LOC122539214: variants seen among roughly 807,000 people sequenced by gnomAD.
At chr19:52,655,789 G>A in the LOC122539214 span, 2 of 597,922 alleles carry the variant, frequency 3.3e-6, no homozygotes, top group Admixed American at 2.7e-5. Flanking sequence ...CCAAGACGGT[G>A]TTCTGACAAA....
At chr19:52,673,188 G>A in the LOC122539214 span, among the ~76,000 whole-genome samples, 3 of 152,044 alleles carry the variant, frequency 2.0e-5, no homozygotes, top group East Asian at 1.9e-4. Flanking sequence ...CAGACTGTGC[G>A]AAAGAGCTGG....
the LOC122539214 span, among the ~76,000 whole-genome samples, chr19:52,677,459 A>G: frequency 1.7e-4 from 26 of 151,944 alleles, no homozygotes; most frequent in African/African-American, 6.0e-4. Flanking sequence ...TCACACCAGC[A>G]TGGGTGACAG....
At chr19:52,653,955 G>T in the LOC122539214 span, 1 of 1,248,644 alleles carries the variant, frequency 8.0e-7, no homozygotes, top group Non-Finnish European at 1.2e-6. Flanking sequence ...ATGAAGAATG[G>T]AGAAAGTTCT....
At chr19:52,687,054 G>C in the LOC122539214 span, among the ~76,000 whole-genome samples, 1 of 151,456 alleles carries the variant, frequency 6.6e-6, no homozygotes, top group Non-Finnish European at 1.5e-5. Flanking sequence ...GGTGGCGCAT[G>C]CCTGTAATCC....
At chr19:52,653,511 A>G in the LOC122539214 span, among the ~76,000 whole-genome samples, 2 of 152,186 alleles carry the variant, frequency 1.3e-5, no homozygotes, top group East Asian at 1.9e-4. Flanking sequence ...GAATTCGCCT[A>G]TGTGTTTCAA....
At chr19:52,677,390 G>A in the LOC122539214 span, among the ~76,000 whole-genome samples, 1 of 151,840 alleles carries the variant, frequency 6.6e-6, no homozygotes, top group African/African-American at 2.4e-5. Context: ...GGAGGCTGAG[G>A]CAGGAGAATT....
At chr19:52,653,735 A>C in the LOC122539214 span, among the ~76,000 whole-genome samples, 1 of 152,192 alleles carries the variant, frequency 6.6e-6, no homozygotes, top group African/African-American at 2.4e-5. Flanking sequence ...TTACACTTGT[A>C]AGGTTTTTCT....
chr19:52,673,484 G>A, the LOC122539214 span, among the ~76,000 whole-genome samples: 1 of 150,206 alleles, frequency 6.7e-6, no homozygotes, highest in Non-Finnish European at 1.5e-5. Context: ...GGGTACACAA[G>A]AAGAGTGTAA....
chr19:52,668,986 A>G, the LOC122539214 span, among the ~76,000 whole-genome samples: 2 of 152,200 alleles, frequency 1.3e-5, no homozygotes, highest in African/African-American at 4.8e-5. Context: ...TATGTCCCTC[A>G]TGACAGGGAG....
the LOC122539214 span, among the ~76,000 whole-genome samples, chr19:52,653,606 G>C: frequency 2.6e-5 from 4 of 152,174 alleles, no homozygotes; most frequent in African/African-American, 7.2e-5. Flanking sequence ...TGCCCTACAA[G>C]GGATGACGTC....
the LOC122539214 span, among the ~76,000 whole-genome samples, chr19:52,663,703 G>A: frequency 6.6e-6 from 1 of 152,152 alleles, no homozygotes; most frequent in Admixed American, 6.5e-5. Context: ...AATGCAGGCA[G>A]TGCTCAATCT....
At chr19:52,657,065 A>G in the LOC122539214 span, among the ~76,000 whole-genome samples, 2 of 151,928 alleles carry the variant, frequency 1.3e-5, no homozygotes, top group African/African-American at 4.8e-5. Context: ...GAAGTGATCC[A>G]AGATTGCACC....
chr19:52,676,916 TG>T, the LOC122539214 span, among the ~76,000 whole-genome samples: 1 of 137,830 alleles, frequency 7.3e-6, no homozygotes, highest in Non-Finnish European at 1.5e-5. Context: ...GTTAAACAGA[TG>T]CTTGAAGGCA....
At chr19:52,683,530 G>GCGCATCACATGCTGGT in the LOC122539214 span, among the ~76,000 whole-genome samples, 1 of 83,582 alleles carries the variant, frequency 1.2e-5, no homozygotes, top group Non-Finnish European at 2.3e-5. Flanking sequence ...CCAAAGGGAA[G>GCGCATCACATGCTGGT]GGCAAAGTCC....
At chr19:52,655,425 G>A in the LOC122539214 span, 1 of 835,790 alleles carries the variant, frequency 1.2e-6, no homozygotes, top group Non-Finnish European at 1.9e-6. Context: ...CAGACAGGAG[G>A]ATCATCACTG....
chr19:52,663,822 T>G, the LOC122539214 span, among the ~76,000 whole-genome samples: 1 of 152,260 alleles, frequency 6.6e-6, no homozygotes, highest in African/African-American at 2.4e-5. Flanking sequence ...ATATAATAGT[T>G]TGAAAATGAT....
chr19:52,683,225 ACT>A, the LOC122539214 span, among the ~76,000 whole-genome samples: 56 of 99,854 alleles, frequency 5.6e-4, 1 homozygote, highest in South Asian at 1.3e-3. Context: ...CTGCCCTGTG[ACT>A]CTGTGTGTGT....
At chr19:52,677,321 A>T in the LOC122539214 span, among the ~76,000 whole-genome samples, 1 of 148,326 alleles carries the variant, frequency 6.7e-6, no homozygotes, top group Admixed American at 7.0e-5. Context: ...AAAAAAAAAA[A>T]AAAAAAAAAC....
chr19:52,662,139 C>T, the LOC122539214 span, among the ~76,000 whole-genome samples: 28 of 152,294 alleles, frequency 1.8e-4, no homozygotes, highest in Non-Finnish European at 3.8e-4. Context: ...TATTTTCTCA[C>T]GCCTTTCATG....
Sources: gnomAD v4.1 joint callset for allele counts (sites outside exome capture counted in the v4.1 genomes callset) on GRCh38, gnomAD v4.1.1 for gene constraint, MANE v1.5 for transcripts.